NOVA1: variants seen among roughly 807,000 people sequenced by gnomAD.
The protein encoded by NOVA1 is RNA-binding protein Nova-1.
NOVA1 carries 7 observed loss-of-function variants against 38.0 expected under a neutral mutation model. The ratio of observed to expected loss-of-function variants is 0.18; its 90% CI spans 0.10 to 0.35. The LOEUF (loss-of-function observed/expected upper bound fraction) is 0.35. NOVA1 is among the 10% of genes least tolerant of loss of function. The probability of loss-of-function intolerance (pLI) is 1.00; values close to 1 mark genes in which losing one functional copy is unlikely to be tolerated. For synonymous variants in NOVA1, 270 were observed against 232.5 expected (o/e 1.16, Z -1.47); for missense variants, 460 against 616.0 (o/e 0.75, Z 2.68).
intron 2 of NOVA1, among the ~76,000 whole-genome samples, chr14:26,572,755 T>C (rs1310370721): frequency 6.6e-6 from 1 of 151,600 alleles, no homozygotes; most frequent in East Asian, 1.9e-4. Flanking sequence ...TGTGTGTGTG[T>C]GTGTGTGTGT....
chr14:26,469,580 C>A (rs2138242700), intron 4 of NOVA1, among the ~76,000 whole-genome samples: 1 of 152,180 alleles, frequency 6.6e-6, no homozygotes, highest in Non-Finnish European at 1.5e-5. Flanking sequence ...TCCTATGAGG[C>A]AATATTATTT....
intron 2 of NOVA1, among the ~76,000 whole-genome samples, chr14:26,556,859 G>A (rs921162681): frequency 1.6e-4 from 24 of 152,114 alleles, no homozygotes; most frequent in African/African-American, 2.7e-4. Flanking sequence ...TCAAAAAAGC[G>A]TACGAAAAGA....
At chr14:26,504,125 G>C (rs890933114) in intron 2 of NOVA1, among the ~76,000 whole-genome samples, 2 of 151,982 alleles carry the variant, frequency 1.3e-5, no homozygotes, top group African/African-American at 4.8e-5. Context: ...TTTATAAATA[G>C]CACCCTATCA....
intron 2 of NOVA1, among the ~76,000 whole-genome samples, chr14:26,571,956 A>C (rs1485126798): frequency 2.6e-5 from 4 of 152,204 alleles, no homozygotes; most frequent in Non-Finnish European, 5.9e-5. Context: ...GAAAGCATAG[A>C]CTACAACAGC....
At chr14:26,469,777 T>G (rs987834823) in intron 4 of NOVA1, among the ~76,000 whole-genome samples, 1 of 152,094 alleles carries the variant, frequency 6.6e-6, no homozygotes, top group Non-Finnish European at 1.5e-5. Flanking sequence ...TATACATTTT[T>G]AGAGACAGGG....
intron 2 of NOVA1, among the ~76,000 whole-genome samples, chr14:26,503,937 T>A (rs902660986): frequency 6.6e-6 from 1 of 152,128 alleles, no homozygotes; most frequent in Non-Finnish European, 1.5e-5. Context: ...CAACATCTCT[T>A]AAATATTTGC....
chr14:26,561,897 G>GT (rs1412029548), intron 2 of NOVA1, among the ~76,000 whole-genome samples: 3 of 152,148 alleles, frequency 2.0e-5, no homozygotes, highest in Non-Finnish European at 2.9e-5. Context: ...CTATGTCCTA[G>GT]TTCAGTCAGT....
chr14:26,495,145 T>C (rs556113202), intron 2 of NOVA1, among the ~76,000 whole-genome samples: 2 of 152,242 alleles, frequency 1.3e-5, no homozygotes, highest in East Asian at 3.9e-4. Flanking sequence ...GGAACACTGT[T>C]CCACTGGCTT....
chr14:26,453,208 G>T (rs178227), intron 4 of NOVA1, among the ~76,000 whole-genome samples: 76,554 of 124,448 alleles, frequency 0.62, 22,537 homozygotes, highest in Admixed American at 0.68. Flanking sequence ...ATGTATGTAT[G>T]TATTTATTTA....
chr14:26,507,464 AGT>A (rs1399175729), intron 2 of NOVA1, among the ~76,000 whole-genome samples: 35 of 152,168 alleles, frequency 2.3e-4, no homozygotes, highest in Non-Finnish European at 4.4e-5. Flanking sequence ...TTTTATAAAG[AGT>A]GTTTTTTATG....
intron 2 of NOVA1, among the ~76,000 whole-genome samples, chr14:26,525,215 T>G (rs1057205129): frequency 6.6e-6 from 1 of 152,132 alleles, no homozygotes; most frequent in African/African-American, 2.4e-5. Context: ...ATTATTGTAC[T>G]TTTATTACAA....
intron 2 of NOVA1, among the ~76,000 whole-genome samples, chr14:26,505,083 T>C (rs1436782784): frequency 6.6e-6 from 1 of 151,922 alleles, no homozygotes; most frequent in Non-Finnish European, 1.5e-5. Flanking sequence ...GTAAATCACA[T>C]TCAGATAGGT....
At chr14:26,557,542 T>G (rs1891568482) in intron 2 of NOVA1, among the ~76,000 whole-genome samples, 1 of 151,332 alleles carries the variant, frequency 6.6e-6, no homozygotes. Context: ...TTTTTTTTTT[T>G]TTGTATTTTC....
At chr14:26,561,117 C>G (rs1891793641) in intron 2 of NOVA1, among the ~76,000 whole-genome samples, 1 of 152,118 alleles carries the variant, frequency 6.6e-6, no homozygotes, top group East Asian at 1.9e-4. Flanking sequence ...CTATGAGATT[C>G]TAACGCCACT....
chr14:26,512,956 T>TA (rs976922095), intron 2 of NOVA1, among the ~76,000 whole-genome samples: 21 of 151,988 alleles, frequency 1.4e-4, no homozygotes, highest in Admixed American at 2.0e-4. Context: ...TTCAAGTGTA[T>TA]AAAAAATACT....
chr14:26,504,777 TAA>T (rs5807365), intron 2 of NOVA1, among the ~76,000 whole-genome samples: 1 of 148,272 alleles, frequency 6.7e-6, no homozygotes, highest in African/African-American at 2.5e-5. Context: ...GACAGTAAGT[TAA>T]AAAAAAAAAA....
intron 2 of NOVA1, among the ~76,000 whole-genome samples, chr14:26,527,404 T>G (rs979266778): frequency 6.6e-6 from 1 of 152,094 alleles, no homozygotes; most frequent in African/African-American, 2.4e-5. Flanking sequence ...CTGATCAGAC[T>G]TGCACTGCCT....
At chr14:26,513,309 AATT>A (rs1313537011) in intron 2 of NOVA1, among the ~76,000 whole-genome samples, 1 of 151,978 alleles carries the variant, frequency 6.6e-6, no homozygotes, top group Non-Finnish European at 1.5e-5. Flanking sequence ...TTCTTAGAAA[AATT>A]ATGCAAAATT....
At chr14:26,479,778 A>G in intron 3 of NOVA1, 199 bp downstream of exon 3, 1 of 480,906 alleles carries the variant, frequency 2.1e-6, no homozygotes, top group South Asian at 6.1e-5. Flanking sequence ...TAATAAATGA[A>G]TAATTCAATT....
Sources: allele counts gnomAD v4.1 joint callset (sites outside exome capture counted in the v4.1 genomes callset), GRCh38; gene constraint gnomAD v4.1.1; transcripts MANE v1.5; gene names NCBI Gene and HGNC (gene_info 2026-07-23, HGNC 2026-07-21).